LMTK2: variants seen among roughly 807,000 people sequenced by gnomAD.
LMTK2 encodes lemur tail kinase 2.
Under a neutral mutation model 127.5 loss-of-function variants are expected in LMTK2, and 37 were observed. The observed-to-expected ratio is 0.29, with a 90% CI of 0.22 to 0.38. LMTK2 has a LOEUF of 0.38. Among genes scored for constraint, LMTK2 ranks in the 10% least tolerant of loss-of-function variants. LMTK2 has a pLI of 1.00. For missense variants in LMTK2, 1,694 were observed against 1,920.3 expected, an observed-to-expected ratio of 0.88 and a Z score of 2.20; for synonymous variants, 819 against 810.1, an observed-to-expected ratio of 1.01 and a Z score of -0.19.
At chr7:98,173,521 T>G (rs564324886) in intron 7 of LMTK2, among the ~76,000 whole-genome samples, 1 of 152,262 alleles carries the variant, frequency 6.6e-6, no homozygotes, top group East Asian at 1.9e-4. Flanking sequence ...ATTCTTAAAT[T>G]TTGGAGAAGG....
chr7:98,194,474 A>T lies in LMTK2; in HGVS notation c.4009A>T (p.Thr1337Ser). Residue 1337 changes from threonine to serine, a missense_variant, in exon 11 of 14, where the codon ACA becomes TCA. Thr to Ser is a moderately conservative substitution (Grantham distance 58, BLOSUM62 1). Around this residue, in one of 8 missense-constraint regions of LMTK2, gnomAD observed 554 missense variants for 567.7 expected, o/e 0.98. Coordinates refer to ENST00000297293, the MANE Select transcript of LMTK2 (RefSeq NM_014916.4). This position sits in a 1 kb window ranked among gnomAD's most constrained non-coding sequence, Gnocchi z 5.4. ...GCACCTGCGGAGTCTGTTGAAGCCC[A>T]CAGCGGCCAATGCCCCCGACCCACT... ...GRHLRSLLKPTAANAPDPLPE... is the reference protein window; with the variant it reads ...GRHLRSLLKPSAANAPDPLPE... 6.2e-7 allele frequency: 1 copy of T among 1,614,038 alleles called. No individual in the cohort carries two copies. The highest frequency in any genetic ancestry group is 1.3e-5 in the African/African-American group (1 of 75,054).
At chr7:98,145,360 G>GT (rs907581055) in intron 3 of LMTK2, among the ~76,000 whole-genome samples, 14 of 151,460 alleles carry the variant, frequency 9.2e-5, no homozygotes, top group African/African-American at 3.1e-4. Context: ...AAATTTTACA[G>GT]TTTTTTTTAG....
intron 7 of LMTK2, among the ~76,000 whole-genome samples, chr7:98,182,961 G>C (rs1223383271): frequency 6.6e-6 from 1 of 152,308 alleles, no homozygotes; most frequent in East Asian, 1.9e-4. Context: ...CTCTCCCTTT[G>C]GAATTCAGGC....
intron 6 of LMTK2, among the ~76,000 whole-genome samples, chr7:98,161,436 T>C (rs552665635): frequency 2.6e-5 from 4 of 152,284 alleles, no homozygotes; most frequent in Admixed American, 2.6e-4. Flanking sequence ...TGCTTATTCA[T>C]TGGGCACTTA....
At chr7:98,154,425 A>C (rs1455710238) in intron 4 of LMTK2, among the ~76,000 whole-genome samples, 1 of 152,242 alleles carries the variant, frequency 6.6e-6, no homozygotes, top group East Asian at 1.9e-4. Context: ...TATAAATTGC[A>C]CTTCTGTAAA....
At chr7:98,130,085 A>G (rs1796500938) in intron 1 of LMTK2, among the ~76,000 whole-genome samples, 1 of 152,064 alleles carries the variant, frequency 6.6e-6, no homozygotes, top group Non-Finnish European at 1.5e-5. Flanking sequence ...ATGTCATGTT[A>G]GCGTCTCTGG....
chr7:98,140,060 C>T (rs6945999), intron 2 of LMTK2, among the ~76,000 whole-genome samples: 130,820 of 132,242 alleles, frequency 0.99, 64,733 homozygotes, highest in Middle Eastern at 1. Flanking sequence ...CCGAACGTCA[C>T]GTAAAAGGTT....
In LMTK2 at chr7:98,171,470, G is replaced by A. The variant is rs372884655; in HGVS notation, c.658-71G>A. 5.7e-6 allele frequency: 9 copies of A among 1,592,764 alleles called. No homozygotes were observed. The highest frequency in any genetic ancestry group is 2.7e-5 in the African/African-American group (2 of 74,604). ...ATAATCTTAACAGTTAGTGTTCACC[G>A]AGGCACGTATTTAAGCGCTCACTTT... is the stretch of plus-strand genomic sequence containing the variant. On this transcript the variant is annotated intron_variant, in intron 6 of 13. Coordinates refer to ENST00000297293, the MANE Select transcript of LMTK2 (RefSeq NM_014916.4). This position sits in a 1 kb window ranked among gnomAD's most constrained non-coding sequence, Gnocchi z 5.1.
intron 1 of LMTK2, among the ~76,000 whole-genome samples, chr7:98,123,698 C>CAT (rs372773524): frequency 0.071 from 9,443 of 133,930 alleles, 393 homozygotes; most frequent in Middle Eastern, 0.14. Context: ...GGCCAATTTT[C>CAT]ATATATACAC....
chr7:98,169,716 A>G (rs988429292), intron 6 of LMTK2, among the ~76,000 whole-genome samples: 8 of 152,138 alleles, frequency 5.3e-5, no homozygotes, highest in African/African-American at 1.9e-4. Flanking sequence ...TTTCTGGGTG[A>G]ATTTAATTGT....
At chr7:98,166,874 C>G (rs1471163752) in intron 6 of LMTK2, among the ~76,000 whole-genome samples, 1 of 152,168 alleles carries the variant, frequency 6.6e-6, no homozygotes, top group African/African-American at 2.4e-5. Context: ...AAGTGACACA[C>G]GACTGTATTT....
At chr7:98,144,386 T>C (rs1796740366) in intron 3 of LMTK2, among the ~76,000 whole-genome samples, 1 of 150,574 alleles carries the variant, frequency 6.6e-6, no homozygotes, top group Non-Finnish European at 1.5e-5. Flanking sequence ...TGAGCCAATA[T>C]CTCACCATTG....
At chr7:98,137,517 C>A in intron 2 of LMTK2, 75 bp downstream of exon 2, 1 of 1,404,904 alleles carries the variant, frequency 7.1e-7, no homozygotes, top group Non-Finnish European at 9.6e-7. Flanking sequence ...ATAGCACAGT[C>A]CTTTGGGAAC....
chr7:98,111,458 C>T (rs1323560301), intron 1 of LMTK2, among the ~76,000 whole-genome samples: 2 of 152,168 alleles, frequency 1.3e-5, no homozygotes, highest in East Asian at 3.8e-4. Flanking sequence ...CCAATCCTAG[C>T]TGGAACAGAG....
intron 1 of LMTK2, among the ~76,000 whole-genome samples, chr7:98,113,411 C>T (rs754485629): frequency 2.6e-5 from 4 of 152,060 alleles, no homozygotes; most frequent in Non-Finnish European, 4.4e-5. Context: ...CAGTCTTGAG[C>T]GATTCTTTAT....
chr7:98,112,177 G>GA (rs2116314963), intron 1 of LMTK2, among the ~76,000 whole-genome samples: 1 of 152,266 alleles, frequency 6.6e-6, no homozygotes, highest in Admixed American at 6.5e-5. Flanking sequence ...GAATGTGACT[G>GA]ACGTTTTTCT....
At chr7:98,152,244 T>A (rs1375289980) in intron 4 of LMTK2, among the ~76,000 whole-genome samples, 1 of 152,196 alleles carries the variant, frequency 6.6e-6, no homozygotes, top group Non-Finnish European at 1.5e-5. Flanking sequence ...TTATCGTAGA[T>A]GGCTCAGAAG....
At chr7:98,128,335 A>G (rs1796472827) in intron 1 of LMTK2, among the ~76,000 whole-genome samples, 1 of 152,082 alleles carries the variant, frequency 6.6e-6, no homozygotes, top group South Asian at 2.1e-4. Flanking sequence ...AAAATGGGGA[A>G]CTTTAGACAC....
At chr7:98,155,053 A>G (rs1386664483) in intron 5 of LMTK2, among the ~76,000 whole-genome samples, 177 bp downstream of exon 5, 1 of 152,236 alleles carries the variant, frequency 6.6e-6, no homozygotes, top group African/African-American at 2.4e-5. Context: ...TCCAAGAACC[A>G]GGAGAACTCA....
Sources: gnomAD v4.1 joint callset for allele counts (sites outside exome capture counted in the v4.1 genomes callset) on GRCh38, gnomAD v4.1.1 for gene constraint, gnomAD v4.1.1 regional missense constraint, Gnocchi (gnomAD v3.1) non-coding constraint, MANE v1.5 for transcripts, NCBI Gene and HGNC (gene_info 2026-07-23, HGNC 2026-07-21) for gene names.